MAP3K5: variants seen among roughly 807,000 people sequenced by gnomAD.
The protein encoded by MAP3K5 is ASK-1.
In MAP3K5, 56 loss-of-function variants were observed where a neutral mutation model predicts 158.7. The observed-to-expected ratio is 0.35, with a 90% CI of 0.28 to 0.44. MAP3K5 has a LOEUF of 0.44. Ranked by LOEUF, MAP3K5 falls within the 20% of genes least tolerant of loss-of-function variation. The pLI, the probability that MAP3K5 is intolerant of heterozygous loss-of-function variation, is 1.00. For synonymous variants in MAP3K5, 579 were observed against 601.7 expected, an observed-to-expected ratio of 0.96 and a Z score of 0.55; for missense variants, 1,294 against 1,674.8, an observed-to-expected ratio of 0.77 and a Z score of 3.97.
chr6:136,646,935 C>T (rs1404100496), intron 11 of MAP3K5, among the ~76,000 whole-genome samples: 2 of 152,172 alleles, frequency 1.3e-5, no homozygotes, highest in Non-Finnish European at 2.9e-5. Context: ...CCTCATGATT[C>T]CTCTACAACT....
At chr6:136,703,813 A>T (rs1199812648) in intron 3 of MAP3K5, among the ~76,000 whole-genome samples, 1 of 152,234 alleles carries the variant, frequency 6.6e-6, no homozygotes, top group Non-Finnish European at 1.5e-5. Flanking sequence ...AAAAGGCTTA[A>T]AATTTCTGAT....
At chr6:136,601,063 A>G (rs1450923066) in intron 20 of MAP3K5, 21 bp from the exon 21 acceptor site, 2 of 1,613,696 alleles carry the variant, frequency 1.2e-6, no homozygotes, top group Non-Finnish European at 1.7e-6. Flanking sequence ...AAAAGCAAAC[A>G]GCCATGAATA....
chr6:136,653,123 T>C (rs1309237581), intron 10 of MAP3K5, among the ~76,000 whole-genome samples: 2 of 152,194 alleles, frequency 1.3e-5, no homozygotes, highest in Non-Finnish European at 2.9e-5. Flanking sequence ...TGAAGTACCA[T>C]ACGTCTCTCC....
intron 1 of MAP3K5, among the ~76,000 whole-genome samples, chr6:136,784,983 GTCAGTCCTCCAAA>G (rs1439104774): frequency 1.3e-5 from 2 of 152,062 alleles, no homozygotes; most frequent in Non-Finnish European, 2.9e-5. Flanking sequence ...GCAAACACAT[GTCAGTCCTCCAAA>G]TTTTTTTAAC....
chr6:136,558,287 G>A (rs988120084), intron 29 of MAP3K5, among the ~76,000 whole-genome samples: 1 of 152,022 alleles, frequency 6.6e-6, no homozygotes, highest in African/African-American at 2.4e-5. Flanking sequence ...GCTGAGGCAG[G>A]AGAACGGCGT....
chr6:136,622,810 T>A, intron 15 of MAP3K5, 38 bp downstream of exon 15: 1 of 1,600,652 alleles, frequency 6.2e-7, no homozygotes, highest in East Asian at 2.2e-5. Context: ...CAACCCAAAG[T>A]ACTACAGAAC....
At chr6:136,574,940 C>T (rs912488821) in intron 25 of MAP3K5, among the ~76,000 whole-genome samples, 17 of 151,872 alleles carry the variant, frequency 1.1e-4, no homozygotes, top group Non-Finnish European at 2.1e-4. Flanking sequence ...CCGCCCGCCT[C>T]GGCCTCCCAA....
intron 25 of MAP3K5, among the ~76,000 whole-genome samples, chr6:136,572,505 C>T (rs1774416346): frequency 6.6e-6 from 1 of 152,244 alleles, no homozygotes; most frequent in South Asian, 2.1e-4. Flanking sequence ...GATCTGCCCG[C>T]CTCGGCCTCC....
chr6:136,596,303 C>T (rs1775628140), intron 21 of MAP3K5, among the ~76,000 whole-genome samples: 1 of 152,104 alleles, frequency 6.6e-6, no homozygotes, highest in Admixed American at 6.5e-5. Flanking sequence ...AACAGTCATC[C>T]AGGCTGAGAG....
intron 4 of MAP3K5, 22 bp from the exon 5 acceptor site, chr6:136,697,409 C>G (rs1780646797): frequency 6.4e-7 from 1 of 1,570,856 alleles, no homozygotes; most frequent in African/African-American, 1.4e-5. Context: ...ACACACATTT[C>G]AAAGAGTTTG....
intron 1 of MAP3K5, among the ~76,000 whole-genome samples, chr6:136,730,957 A>G (rs1782198357): frequency 6.6e-6 from 1 of 152,256 alleles, no homozygotes; most frequent in South Asian, 2.1e-4. Context: ...TGCTATGTAG[A>G]AACAATGGAT....
chr6:136,673,000 A>AAG (rs1163730243), intron 7 of MAP3K5, among the ~76,000 whole-genome samples: 7 of 151,360 alleles, frequency 4.6e-5, no homozygotes, highest in African/African-American at 1.7e-4. Flanking sequence ...AAAAAAAAAA[A>AAG]AAAAAGAAAA....
At chr6:136,765,924 C>T (rs748085987) in intron 1 of MAP3K5, among the ~76,000 whole-genome samples, 4 of 152,236 alleles carry the variant, frequency 2.6e-5, no homozygotes, top group Admixed American at 6.5e-5. Context: ...AGATTAAACA[C>T]CACAGGTCTC....
chr6:136,728,046 T>A (rs1782048615), intron 1 of MAP3K5, among the ~76,000 whole-genome samples: 2 of 152,204 alleles, frequency 1.3e-5, no homozygotes, highest in Admixed American at 1.3e-4. Context: ...CATTTTTACC[T>A]AAGGTATAAT....
intron 7 of MAP3K5, among the ~76,000 whole-genome samples, chr6:136,678,886 C>T (rs1779816727): frequency 2.0e-5 from 3 of 152,048 alleles, no homozygotes; most frequent in Admixed American, 2.0e-4. Context: ...CCACCACACC[C>T]AGGTAATTTT....
chr6:136,571,764 C>T (rs1409038025), intron 25 of MAP3K5, among the ~76,000 whole-genome samples: 1 of 152,138 alleles, frequency 6.6e-6, no homozygotes, highest in African/African-American at 2.4e-5. Context: ...TTTGAATATA[C>T]ACCCAGAAGA....
intron 1 of MAP3K5, among the ~76,000 whole-genome samples, chr6:136,755,368 C>T (rs997709803): frequency 2.0e-5 from 3 of 152,088 alleles, no homozygotes; most frequent in Non-Finnish European, 2.9e-5. Context: ...GTCTCCTCTC[C>T]CAGCCCTCTA....
chr6:136,601,100 T>A (rs1775855259), intron 20 of MAP3K5, 58 bp from the exon 21 acceptor site: 1 of 1,573,676 alleles, frequency 6.4e-7, no homozygotes, highest in Non-Finnish European at 8.7e-7. Flanking sequence ...GTTGTTAAAC[T>A]GAGAAATCAA....
At chr6:136,645,247 A>G (rs1359406553) in intron 11 of MAP3K5, among the ~76,000 whole-genome samples, 3 of 152,186 alleles carry the variant, frequency 2.0e-5, no homozygotes, top group African/African-American at 7.2e-5. Flanking sequence ...ATTTCTTGTA[A>G]TATGAAATAC....
Sources: allele counts gnomAD v4.1 joint callset (sites outside exome capture counted in the v4.1 genomes callset), GRCh38; gene constraint gnomAD v4.1.1; transcripts MANE v1.5; gene names NCBI Gene and HGNC (gene_info 2026-07-23, HGNC 2026-07-21).